Variants in KAZN observed in about 807,000 individuals in gnomAD.
KAZN encodes kazrin.
Under a neutral mutation model 87.4 loss-of-function variants are expected in KAZN, and 40 were observed. That is an observed-to-expected ratio of 0.46 (90% CI 0.36 to 0.60). KAZN has a LOEUF of 0.60. Among genes scored for constraint, KAZN ranks in the 20% least tolerant of loss-of-function variants. KAZN has a pLI of 0.00. For synonymous variants in KAZN, 466 were observed against 458.3 expected, an observed-to-expected ratio of 1.02 and a Z score of -0.22; for missense variants, 898 against 1,073.9, an observed-to-expected ratio of 0.84 and a Z score of 2.29.
At chr1:14,839,710 A>C (rs138469794) in intron 1 of KAZN, among the ~76,000 whole-genome samples, 1 of 152,242 alleles carries the variant, frequency 6.6e-6, no homozygotes, top group East Asian at 1.9e-4. Context: ...TTGTATCTTT[A>C]AGAACGGGGA....
chr1:14,745,556 G>A (rs1262621017), intron 1 of KAZN, among the ~76,000 whole-genome samples: 1 of 152,096 alleles, frequency 6.6e-6, no homozygotes, highest in Non-Finnish European at 1.5e-5. Context: ...CATTGAGTGA[G>A]TGCTTGGTAT....
chr1:14,366,038 AT>A (rs1659969056), intron 2 of KAZN, among the ~76,000 whole-genome samples: 1 of 152,204 alleles, frequency 6.6e-6, no homozygotes, highest in Admixed American at 6.5e-5. Context: ...AATACAGCAA[AT>A]CTGGTGACAT....
chr1:14,631,513 C>T (rs1055520258), intron 1 of KAZN, among the ~76,000 whole-genome samples: 4 of 152,152 alleles, frequency 2.6e-5, no homozygotes, highest in African/African-American at 7.2e-5. Flanking sequence ...GGTGTAGAGA[C>T]GCAGGCCAGG....
intron 2 of KAZN, among the ~76,000 whole-genome samples, chr1:14,308,930 A>G (rs964242747): frequency 6.6e-6 from 1 of 152,234 alleles, no homozygotes; most frequent in Non-Finnish European, 1.5e-5. Context: ...AAGCCAGTTC[A>G]TCAAATACAT....
intron 2 of KAZN, among the ~76,000 whole-genome samples, chr1:14,307,518 G>C (rs1269856905): frequency 1.3e-5 from 2 of 152,190 alleles, no homozygotes; most frequent in Non-Finnish European, 2.9e-5. Context: ...TACAGACGTG[G>C]AAACTGAAAC....
At chr1:14,937,401 C>G (rs138188272) in intron 1 of KAZN, among the ~76,000 whole-genome samples, 1 of 152,240 alleles carries the variant, frequency 6.6e-6, no homozygotes, top group Admixed American at 6.5e-5. Context: ...CCTTCCCCCT[C>G]CATCTTCAAG....
Position 14,146,552 on chromosome 1 carries a change from A to G in KAZN, c.92-33883A>G, listed in dbSNP as rs548829922. 2.7e-3 allele frequency among the ~76,000 whole-genome samples: 404 copies of G among 150,462 alleles called. 2 individuals are homozygous for G. The highest frequency in any genetic ancestry group is 0.02 in the East Asian group (105 of 5,142). On this transcript the variant is annotated intron_variant, in intron 1 of 16. Transcript: ENST00000636203. ...ACTCCATCTCAAAAAAAAAAAAAAA[A>G]AAAAAGAAAAGAAAAGAAAGAAAGA...
intron 1 of KAZN, among the ~76,000 whole-genome samples, chr1:13,985,367 T>C: frequency 6.6e-6 from 1 of 151,824 alleles, no homozygotes; most frequent in East Asian, 1.9e-4. Flanking sequence ...CATGGAATAC[T>C]ATGCAGCCAT....
chr1:15,064,232 C>T (rs1294073013), intron 7 of KAZN, among the ~76,000 whole-genome samples: 1 of 152,164 alleles, frequency 6.6e-6, no homozygotes, highest in East Asian at 1.9e-4. Flanking sequence ...TCTGAAGTCA[C>T]CTTTCTAGTC....
At chr1:14,630,463 G>C (rs1397622678) in intron 1 of KAZN, among the ~76,000 whole-genome samples, 2 of 152,250 alleles carry the variant, frequency 1.3e-5, no homozygotes, top group African/African-American at 4.8e-5. Context: ...AAAACGGGAG[G>C]ATCACTTGAG....
At chr1:13,909,983 C>T (rs958572589) in intron 1 of KAZN, among the ~76,000 whole-genome samples, 1 of 152,104 alleles carries the variant, frequency 6.6e-6, no homozygotes, top group Non-Finnish European at 1.5e-5. Flanking sequence ...AGGAAGGGCC[C>T]AGATGCCACT....
chr1:15,020,815 G>A (rs1305275685), intron 2 of KAZN, among the ~76,000 whole-genome samples: 1 of 152,082 alleles, frequency 6.6e-6, no homozygotes, highest in Non-Finnish European at 1.5e-5. Context: ...TTTACAGATG[G>A]CAAAAACGCT....
intron 1 of KAZN, among the ~76,000 whole-genome samples, chr1:14,665,151 A>C (rs959727491): frequency 6.6e-6 from 1 of 152,112 alleles, no homozygotes; most frequent in African/African-American, 2.4e-5. Context: ...CCTGTGACCA[A>C]CCTCATCTTG....
At chr1:14,724,024 A>G (rs1643255245) in intron 1 of KAZN, among the ~76,000 whole-genome samples, 1 of 152,186 alleles carries the variant, frequency 6.6e-6, no homozygotes, top group African/African-American at 2.4e-5. Context: ...AATTTTCTGC[A>G]TTCGTTGATT....
intron 1 of KAZN, among the ~76,000 whole-genome samples, chr1:14,711,295 C>T (rs913368872): frequency 6.6e-6 from 1 of 151,650 alleles, no homozygotes; most frequent in African/African-American, 2.4e-5. Context: ...TCACTTGAGT[C>T]CAGGAGTTCG....
intron 2 of KAZN, among the ~76,000 whole-genome samples, chr1:14,967,679 G>A (rs1312254616): frequency 1.3e-5 from 2 of 152,202 alleles, no homozygotes; most frequent in Non-Finnish European, 2.9e-5. Flanking sequence ...GGGATTCAAT[G>A]TGGGGCCTTG....
At chr1:14,142,527 G>A (rs569205991) in intron 1 of KAZN, among the ~76,000 whole-genome samples, 1 of 152,314 alleles carries the variant, frequency 6.6e-6, no homozygotes, top group Non-Finnish European at 1.5e-5. Flanking sequence ...TGGGATGGCC[G>A]CTACTCACAG....
At chr1:14,687,444 T>C (rs1641018939) in intron 1 of KAZN, among the ~76,000 whole-genome samples, 1 of 152,072 alleles carries the variant, frequency 6.6e-6, no homozygotes, top group Non-Finnish European at 1.5e-5. Flanking sequence ...TAAAGAAGGA[T>C]ATGCATAGGT....
At chr1:14,311,509 G>A (rs774364528) in intron 2 of KAZN, among the ~76,000 whole-genome samples, 1 of 152,176 alleles carries the variant, frequency 6.6e-6, no homozygotes, top group Admixed American at 6.5e-5. Context: ...GGATGTATTG[G>A]TGGGGTGGAA....
Sources: allele counts gnomAD v4.1 joint callset (sites outside exome capture counted in the v4.1 genomes callset), GRCh38; gene constraint gnomAD v4.1.1; transcripts MANE v1.5; gene names NCBI Gene and HGNC (gene_info 2026-07-23, HGNC 2026-07-21).